The following PRKACB variants were observed in gnomAD, a reference collection of about 807,000 sequenced individuals.
The protein encoded by PRKACB is cAMP-dependent protein kinase catalytic subunit beta.
In PRKACB, 16 loss-of-function variants were observed where a neutral mutation model predicts 51.4. The ratio of observed to expected loss-of-function variants is 0.31; its 90% confidence interval spans 0.21 to 0.47. The LOEUF (loss-of-function observed/expected upper bound fraction) is 0.47, where lower values mean the gene tolerates loss of function less well. Ranked by LOEUF, PRKACB falls within the 20% of genes least tolerant of loss-of-function variation. PRKACB has a pLI of 1.00. For missense variants in PRKACB, 309 were observed against 464.5 expected, an observed-to-expected ratio of 0.67 and a Z score of 3.08; for synonymous variants, 147 against 154.4, an observed-to-expected ratio of 0.95 and a Z score of 0.35.
intron 1 of PRKACB, among the ~76,000 whole-genome samples, chr1:84,107,484 A>G (rs1406353968): frequency 6.6e-6 from 1 of 152,184 alleles, no homozygotes; most frequent in Non-Finnish European, 1.5e-5. Context: ...AAGTTGACAG[A>G]TGGGACCTGT....
chr1:84,175,980 C>T (rs1441800947), intron 1 of PRKACB, among the ~76,000 whole-genome samples: 1 of 151,576 alleles, frequency 6.6e-6, no homozygotes, highest in Non-Finnish European at 1.5e-5. Flanking sequence ...AAATGTGTTT[C>T]AGAAAAATCA....
At chr1:84,108,171 C>T (rs1164137934) in intron 1 of PRKACB, among the ~76,000 whole-genome samples, 2 of 151,980 alleles carry the variant, frequency 1.3e-5, no homozygotes, top group East Asian at 1.9e-4. Flanking sequence ...CTGTCCTTTG[C>T]GGGAACATGG....
chr1:84,234,407 G>T (rs1344272608), intron 9 of PRKACB, among the ~76,000 whole-genome samples: 2 of 152,172 alleles, frequency 1.3e-5, no homozygotes, highest in Non-Finnish European at 2.9e-5. Flanking sequence ...GCTTACAGAG[G>T]CAGGCAGGCC....
At chr1:84,196,867 C>T (rs750969980) in intron 6 of PRKACB, 125 bp downstream of exon 6, 13 of 1,073,606 alleles carry the variant, frequency 1.2e-5, no homozygotes, top group Admixed American at 2.8e-5. Flanking sequence ...TTAAGTAGAG[C>T]TCAGAGTTTT....
chr1:84,188,456 T>A (rs6695851), intron 5 of PRKACB, among the ~76,000 whole-genome samples: 74,126 of 151,546 alleles, frequency 0.49, 18,696 homozygotes, highest in Non-Finnish European at 0.56. Context: ...ATTCAAAATA[T>A]TAACTCTGGA....
chr1:84,177,205 A>G (rs1164962574), intron 1 of PRKACB, among the ~76,000 whole-genome samples: 1 of 152,068 alleles, frequency 6.6e-6, no homozygotes, highest in African/African-American at 2.4e-5. Flanking sequence ...TTTCAGAAGA[A>G]ACAAGGGGTA....
At chr1:84,201,446 A>G (rs1280237118) in intron 7 of PRKACB, among the ~76,000 whole-genome samples, 1 of 152,064 alleles carries the variant, frequency 6.6e-6, no homozygotes, top group Non-Finnish European at 1.5e-5. Flanking sequence ...TGTGTCTGAC[A>G]TATTTACTAT....
chr1:84,158,519 G>T (rs1363466060), intron 1 of PRKACB, among the ~76,000 whole-genome samples: 1 of 151,868 alleles, frequency 6.6e-6, no homozygotes, highest in East Asian at 1.9e-4. Flanking sequence ...AAATTGAGTC[G>T]TTTTTCTTCT....
At chr1:84,174,048 A>G (rs1276347493) in intron 1 of PRKACB, among the ~76,000 whole-genome samples, 2 of 151,828 alleles carry the variant, frequency 1.3e-5, no homozygotes, top group African/African-American at 4.8e-5. Context: ...AAGAAATAGA[A>G]TCTAGCAACT....
At chr1:84,228,486 GTAAATTCTA>G (rs1368069118) in intron 9 of PRKACB, among the ~76,000 whole-genome samples, 1 of 150,906 alleles carries the variant, frequency 6.6e-6, no homozygotes, top group Non-Finnish European at 1.5e-5. Context: ...GTAATTGTTT[GTAAATTCTA>G]TAAAGGCTGT....
At chr1:84,092,277 C>T (rs573330115) in intron 1 of PRKACB, among the ~76,000 whole-genome samples, 9 of 152,298 alleles carry the variant, frequency 5.9e-5, no homozygotes, top group Admixed American at 5.2e-4. Flanking sequence ...AATACTGCAT[C>T]ATGTTTTCCT....
intron 9 of PRKACB, among the ~76,000 whole-genome samples, chr1:84,228,189 G>GT (rs1674959773): frequency 6.6e-6 from 1 of 152,156 alleles, no homozygotes; most frequent in Non-Finnish European, 1.5e-5. Context: ...TTATTTGTGT[G>GT]TGTATCTTAT....
chr1:84,099,605 G>A (rs188308231), intron 1 of PRKACB, among the ~76,000 whole-genome samples: 9 of 151,856 alleles, frequency 5.9e-5, no homozygotes, highest in Non-Finnish European at 1.3e-4. Flanking sequence ...GCTACTTAGG[G>A]GACCAGAAGC....
chr1:84,210,370 C>T (rs993728697), intron 8 of PRKACB, among the ~76,000 whole-genome samples: 15 of 152,288 alleles, frequency 9.8e-5, no homozygotes, highest in East Asian at 9.6e-4. Context: ...ATAACCTTAT[C>T]TCTCAGACCT....
At chr1:84,135,560 T>C (rs1322587515) in intron 1 of PRKACB, among the ~76,000 whole-genome samples, 2 of 152,162 alleles carry the variant, frequency 1.3e-5, no homozygotes, top group African/African-American at 4.8e-5. Context: ...TCTTTTAAGA[T>C]AGTAATCATG....
intron 1 of PRKACB, among the ~76,000 whole-genome samples, chr1:84,112,352 C>A (rs1650307414): frequency 1.3e-5 from 2 of 151,686 alleles, no homozygotes; most frequent in Admixed American, 1.3e-4. Context: ...GCTGCCTCAG[C>A]CTCCCAAGTA....
chr1:84,083,712 A>G (rs1055492849), intron 1 of PRKACB, among the ~76,000 whole-genome samples: 4 of 152,234 alleles, frequency 2.6e-5, no homozygotes, highest in Non-Finnish European at 5.9e-5. Context: ...ATTTCCTCAG[A>G]TTAATAAATC....
At chr1:84,114,067 C>A (rs1276191220) in intron 1 of PRKACB, among the ~76,000 whole-genome samples, 1 of 152,026 alleles carries the variant, frequency 6.6e-6, no homozygotes, top group Non-Finnish European at 1.5e-5. Flanking sequence ...GGTAGACCAA[C>A]ACTTGTAGGA....
intron 1 of PRKACB, among the ~76,000 whole-genome samples, chr1:84,110,266 A>G (rs943325940): frequency 6.6e-6 from 1 of 151,984 alleles, no homozygotes. Context: ...AACTATTTAC[A>G]TAGCATTTAC....
Sources: gnomAD v4.1 joint callset for allele counts (sites outside exome capture counted in the v4.1 genomes callset) on GRCh38, gnomAD v4.1.1 for gene constraint, MANE v1.5 for transcripts, NCBI Gene and HGNC (gene_info 2026-07-23, HGNC 2026-07-21) for gene names.